Variants in OR1J2 observed in about 807,000 individuals in gnomAD.
OR1J2 encodes the protein olfactory receptor 1J2.
For missense variants in OR1J2, 304 were observed against 246.1 expected (o/e 1.24, Z -1.57); for synonymous variants, 142 against 99.7 (o/e 1.42, Z -2.52).
chr9:122,527,624 G>T, the OR1J2 span, among the ~76,000 whole-genome samples: 1 of 152,064 alleles, frequency 6.6e-6, no homozygotes, highest in Non-Finnish European at 1.5e-5. Context: ...GTAGACTGAG[G>T]TCAGCTAAAT....
At chr9:122,563,571 G>A in the OR1J2 span, among the ~76,000 whole-genome samples, 2 of 152,122 alleles carry the variant, frequency 1.3e-5, no homozygotes, top group Non-Finnish European at 2.9e-5. Context: ...TTGTCTCTTT[G>A]CTCTGTTGAT....
chr9:122,511,199 CTG>C lies in OR1J2; in HGVS notation c.400_401del (p.Val134HisfsTer46), dbSNP rs1171641046. The C allele has an allele frequency of 1.4e-6, 1 of 734,778 alleles. No homozygotes were observed. Among genetic ancestry groups the C allele is most frequent in the East Asian group, 2.4e-5 (1 of 40,942 alleles). 45.5% of individuals were successfully genotyped at this position (734,778 alleles called of 1,614,324 possible). A position where few individuals can be genotyped will look rare whatever the true frequency, so the allele number is the denominator to read the frequency against. The stretch of plus-strand genomic sequence containing the variant: ...GCCATATGTCACCCTCTCCACTACA[CTG>C]TCATCATGAGGGAAGAGCTCTGTGT... On this transcript the variant is annotated frameshift_variant, in exon 1 of 1. Transcript: ENST00000335302. LOFTEE classifies it low-confidence loss of function (END_TRUNC).
chr9:122,485,300 A>G, the OR1J2 span, among the ~76,000 whole-genome samples: 1 of 152,338 alleles, frequency 6.6e-6, no homozygotes, highest in African/African-American at 2.4e-5. Flanking sequence ...TTAATCCCAG[A>G]AACACGTGAA....
the OR1J2 span, among the ~76,000 whole-genome samples, chr9:122,472,213 C>G: frequency 3.3e-5 from 5 of 152,172 alleles, no homozygotes; most frequent in East Asian, 7.7e-4. Context: ...TTGAAGCATT[C>G]CCCTGAAGAT....
At chr9:122,499,426 C>T in the OR1J2 span, among the ~76,000 whole-genome samples, 58,472 of 152,024 alleles carry the variant, frequency 0.38, 11,729 homozygotes, top group Admixed American at 0.47. Context: ...GCATCTCAGG[C>T]CGCTGAACCA....
At chr9:122,453,527 C>T in the OR1J2 span, among the ~76,000 whole-genome samples, 5 of 152,184 alleles carry the variant, frequency 3.3e-5, no homozygotes, top group Admixed American at 6.5e-5. Flanking sequence ...AAGTACACTA[C>T]ATGCATCTAA....
the OR1J2 span, among the ~76,000 whole-genome samples, chr9:122,483,330 T>G: frequency 2.1e-4 from 32 of 152,282 alleles, no homozygotes; most frequent in East Asian, 5.0e-3. Context: ...TTTGTAATAA[T>G]GAAGAACTGA....
chr9:122,480,647 T>C, the OR1J2 span, among the ~76,000 whole-genome samples: 1 of 152,134 alleles, frequency 6.6e-6, no homozygotes, highest in Non-Finnish European at 1.5e-5. Context: ...TTTATTATTA[T>C]ACTTTAAGTT....
At chr9:122,514,013 T>C (rs1828669906), downstream of OR1J2, among the ~76,000 whole-genome samples, 5 of 152,176 alleles carry the variant, frequency 3.3e-5, no homozygotes, top group South Asian at 1.0e-3. Context: ...TGCATAGACA[T>C]AGAAATGCAA....
chr9:122,470,465 G>T, the OR1J2 span, among the ~76,000 whole-genome samples: 1 of 152,244 alleles, frequency 6.6e-6, no homozygotes, highest in Non-Finnish European at 1.5e-5. Context: ...GAAGTTTGCT[G>T]CAGGGGTGGG....
chr9:122,557,959 G>T, the OR1J2 span, among the ~76,000 whole-genome samples: 2 of 151,814 alleles, frequency 1.3e-5, no homozygotes, highest in East Asian at 3.9e-4. Flanking sequence ...TCCAAGAATT[G>T]GTCCATTTCA....
chr9:122,481,655 A>G, the OR1J2 span, among the ~76,000 whole-genome samples: 1 of 152,220 alleles, frequency 6.6e-6, no homozygotes, highest in Non-Finnish European at 1.5e-5. Context: ...AAACAATGGT[A>G]AGATAGCACT....
At chr9:122,537,352 G>A in the OR1J2 span, among the ~76,000 whole-genome samples, 3 of 152,206 alleles carry the variant, frequency 2.0e-5, no homozygotes, top group African/African-American at 7.2e-5. Flanking sequence ...GGCCAGGCAG[G>A]CCCAGGCCTG....
At chr9:122,475,655 T>G in the OR1J2 span, 5 of 152,236 alleles carry the variant, frequency 3.3e-5, no homozygotes, top group Admixed American at 2.6e-4. Context: ...CTTCATTTTG[T>G]GTGTCACAAT....
the OR1J2 span, among the ~76,000 whole-genome samples, chr9:122,544,111 T>C: frequency 6.6e-6 from 1 of 152,170 alleles, no homozygotes; most frequent in Non-Finnish European, 1.5e-5. Context: ...AAACATTACA[T>C]TGTAGCTCAT....
the OR1J2 span, among the ~76,000 whole-genome samples, chr9:122,555,585 C>A: frequency 6.6e-6 from 1 of 152,096 alleles, no homozygotes; most frequent in Non-Finnish European, 1.5e-5. Context: ...CTACACCATG[C>A]CATTTACAGT....
the OR1J2 span, among the ~76,000 whole-genome samples, chr9:122,539,823 G>A: frequency 6.6e-6 from 1 of 152,160 alleles, no homozygotes. Flanking sequence ...GGTATGAGAT[G>A]GTATCTCACT....
At chr9:122,551,761 G>A in the OR1J2 span, among the ~76,000 whole-genome samples, 19 of 152,012 alleles carry the variant, frequency 1.2e-4, no homozygotes, top group African/African-American at 4.3e-4. Flanking sequence ...CGACCTTAAC[G>A]AGCACATTGG....
the OR1J2 span, among the ~76,000 whole-genome samples, chr9:122,462,328 C>T: frequency 6.6e-6 from 1 of 152,114 alleles, no homozygotes; most frequent in African/African-American, 2.4e-5. Context: ...GGATGAGTCT[C>T]TTGAAGACAG....
Sources: gnomAD v4.1 joint callset for allele counts (sites outside exome capture counted in the v4.1 genomes callset) on GRCh38, gnomAD v4.1.1 for gene constraint, MANE v1.5 for transcripts, NCBI Gene and HGNC (gene_info 2026-07-23, HGNC 2026-07-21) for gene names.